The following ADGRL4 variants were observed in gnomAD, a reference collection of about 807,000 sequenced individuals.
ADGRL4 encodes the protein EGF, latrophilin and seven transmembrane domain containing 1.
ADGRL4 carries 90 observed loss-of-function variants against 74.8 expected under a neutral mutation model. The ratio of observed to expected loss-of-function variants is 1.20; its 90% CI spans 1.02 to 1.43. ADGRL4 has a LOEUF of 1.43. Among genes scored for constraint, ADGRL4 ranks in the 40% most tolerant of loss-of-function variants. The probability of loss-of-function intolerance (pLI) is 0.00; values close to 1 mark genes in which losing one functional copy is unlikely to be tolerated. For missense variants in ADGRL4, 881 were observed against 814.3 expected (o/e 1.08, Z -1.00); for synonymous variants, 311 against 279.2 (o/e 1.11, Z -1.14).
chr1:79,001,102 A>G (rs1429672903), intron 2 of ADGRL4, among the ~76,000 whole-genome samples: 2 of 151,088 alleles, frequency 1.3e-5, no homozygotes, highest in Non-Finnish European at 3.0e-5. Flanking sequence ...TTAAAAAACA[A>G]GAAAGAGAGA....
chr1:78,977,893 A>C (rs963244864), intron 2 of ADGRL4, among the ~76,000 whole-genome samples: 1 of 151,984 alleles, frequency 6.6e-6, no homozygotes, highest in African/African-American at 2.4e-5. Context: ...TGGTAGAAAT[A>C]CTAGCAAAAG....
intron 3 of ADGRL4, among the ~76,000 whole-genome samples, chr1:78,943,493 A>G (rs757095946): frequency 6.6e-6 from 1 of 152,352 alleles, no homozygotes; most frequent in Non-Finnish European, 1.5e-5. Context: ...GTATTTGAAT[A>G]TGGACTAAAG....
In ADGRL4 at chr1:78,936,772, C is replaced by T. The variant is rs151120632; in HGVS notation, c.761-361G>A. Among the ~76,000 whole-genome samples, 193 of 152,218 alleles carry T rather than the reference C, an allele frequency of 1.3e-3. 1 individual carries two copies. The highest frequency in any genetic ancestry group is 4.3e-3 in the African/African-American group (178 of 41,534). On this transcript the variant is annotated intron_variant, in intron 6 of 14. Coordinates refer to ENST00000370742, the MANE Select transcript of ADGRL4 (RefSeq NM_022159.4). ...CTTACTAATGAGTGATTTAATTAAA[C>T]GTTTGAGTGATAATTCCTTTGACCT...
chr1:78,917,265 C>A (rs185425013), intron 12 of ADGRL4, among the ~76,000 whole-genome samples: 1 of 151,610 alleles, frequency 6.6e-6, no homozygotes, highest in African/African-American at 2.4e-5. Context: ...TGAAGCATGC[C>A]GAGGTATTAC....
chr1:78,933,216 A>G (rs1230148662), intron 7 of ADGRL4, among the ~76,000 whole-genome samples: 1 of 151,428 alleles, frequency 6.6e-6, no homozygotes, highest in Non-Finnish European at 1.5e-5. Context: ...CAGCACATCA[A>G]AAAACATATC....
At chr1:78,984,179 A>G (rs11799385) in intron 2 of ADGRL4, among the ~76,000 whole-genome samples, 7,785 of 151,788 alleles carry the variant, frequency 0.051, 278 homozygotes, top group African/African-American at 0.099. Flanking sequence ...GGTTCTTATC[A>G]CTATTGTTAC....
intron 9 of ADGRL4, among the ~76,000 whole-genome samples, chr1:78,920,957 G>T (rs962803933): frequency 3.3e-5 from 5 of 151,618 alleles, no homozygotes; most frequent in African/African-American, 1.2e-4. Flanking sequence ...TCATTGTTAG[G>T]ACTGACATTA....
intron 2 of ADGRL4, among the ~76,000 whole-genome samples, chr1:79,004,690 T>A (rs977952180): frequency 1.3e-5 from 2 of 152,106 alleles, no homozygotes; most frequent in African/African-American, 4.8e-5. Context: ...ACCATATAGG[T>A]ATAAAAATAC....
intron 2 of ADGRL4, among the ~76,000 whole-genome samples, chr1:78,952,131 T>C (rs1374792188): frequency 2.0e-5 from 3 of 151,994 alleles, no homozygotes; most frequent in African/African-American, 7.3e-5. Flanking sequence ...CTTGAGATAT[T>C]ATTGGCCGGG....
intron 3 of ADGRL4, among the ~76,000 whole-genome samples, chr1:78,943,065 A>G (rs1270063189): frequency 6.6e-6 from 1 of 152,198 alleles, no homozygotes; most frequent in African/African-American, 2.4e-5. Flanking sequence ...TATAATTATG[A>G]TCAATAATAC....
chr1:78,892,132 T>A (rs1453957706), intron 13 of ADGRL4, among the ~76,000 whole-genome samples: 3 of 152,106 alleles, frequency 2.0e-5, no homozygotes, highest in Non-Finnish European at 4.4e-5. Context: ...TCAGCACATA[T>A]CTACTACATC....
intron 12 of ADGRL4, among the ~76,000 whole-genome samples, chr1:78,906,030 C>T (rs1221304442): frequency 2.0e-5 from 3 of 151,916 alleles, no homozygotes; most frequent in Non-Finnish European, 1.5e-5. Context: ...AATAAAGTTA[C>T]ATCTGTTGAT....
At chr1:78,945,196 A>ATATATATC (rs1553136479) in intron 3 of ADGRL4, among the ~76,000 whole-genome samples, 91 of 148,260 alleles carry the variant, frequency 6.1e-4, no homozygotes, top group African/African-American at 2.2e-3. Context: ...ATATATATAT[A>ATATATATC]TCTCAATAGG....
rs191250302 is a variant in ADGRL4, at chr1:78,947,974, A to G, written c.173-1548T>C. 9.2e-5 allele frequency among the ~76,000 whole-genome samples: 14 copies of G among 152,276 alleles called. No individual in the cohort carries two copies. The East Asian group carries it at 2.7e-3, about 29-fold the overall frequency. ...GAAGATTATTCCAAATGTTTTATAA[A>G]TATTAATTAGCTTAATGCTTTATAG... is the stretch of plus-strand genomic sequence containing the variant. On this transcript the variant is annotated intron_variant, in intron 2 of 14. Transcript: ENST00000370742.
intron 2 of ADGRL4, among the ~76,000 whole-genome samples, chr1:78,998,362 C>CTTTTTT (rs71078519): frequency 4.6e-5 from 3 of 65,012 alleles, no homozygotes; most frequent in Non-Finnish European, 5.4e-5. Flanking sequence ...TCCACTGATT[C>CTTTTTT]TTTTTTTTTT....
At chr1:78,978,749 C>T (rs1290566995) in intron 2 of ADGRL4, among the ~76,000 whole-genome samples, 2 of 151,856 alleles carry the variant, frequency 1.3e-5, no homozygotes, top group African/African-American at 2.4e-5. Context: ...TTTATTAGTT[C>T]TCTTTCACCA....
chr1:78,902,865 C>T (rs753038846), intron 12 of ADGRL4, among the ~76,000 whole-genome samples: 6 of 151,892 alleles, frequency 4.0e-5, no homozygotes, highest in Non-Finnish European at 8.8e-5. Flanking sequence ...CCTCATTGTT[C>T]TCTGTGGTCA....
rs374889582 is a variant in ADGRL4, at chr1:78,917,856, T to G, written c.1656A>C (p.Gly552=). The change falls in exon 11 of 15, where the codon GGA becomes GGC. Residue 552 remains glycine, a synonymous_variant. Coordinates refer to ENST00000370742, the MANE Select transcript of ADGRL4 (RefSeq NM_022159.4). The part of the protein sequence containing the change: ...AVVVGFSAAL[G]YRYYGTTKVC... ...CTTTGGTTGTGCCATAATATCTGTA[T>G]CCTAGTGCTGCCGAAAATCCAACTA... 1.9e-6 allele frequency: 3 copies of G among 1,612,612 alleles called. No individual in the cohort carries two copies. Among genetic ancestry groups the G allele is most frequent in the Admixed American group, 1.7e-5 (1 of 59,846 alleles).
At chr1:78,927,143 T>G (rs1649134554) in intron 7 of ADGRL4, 52 bp from the exon 8 acceptor site, 1 of 1,184,436 alleles carries the variant, frequency 8.4e-7, no homozygotes, top group Non-Finnish European at 1.2e-6. Context: ...CAAAGTGTAT[T>G]TAGACTCTTA....
Sources: allele counts gnomAD v4.1 joint callset (sites outside exome capture counted in the v4.1 genomes callset), GRCh38; gene constraint gnomAD v4.1.1; transcripts MANE v1.5; gene names NCBI Gene and HGNC (gene_info 2026-07-23, HGNC 2026-07-21).